GLIS3: variants seen among roughly 807,000 people sequenced by gnomAD.
GLIS3 encodes GLIS family zinc finger 3, also known as zinc finger protein GLIS3.
GLIS3 carries 53 observed loss-of-function variants against 78.6 expected under a neutral mutation model. That is an observed-to-expected ratio of 0.67 (90% CI 0.54 to 0.85). The LOEUF (loss-of-function observed/expected upper bound fraction) is 0.85. GLIS3 is among the 40% of genes least tolerant of loss of function. GLIS3 has a pLI of 0.00. For synonymous variants in GLIS3, 684 were observed against 509.9 expected (o/e 1.34, Z -4.60); for missense variants, 1,703 against 1,231.1 (o/e 1.38, Z -5.74).
At chr9:4,129,481 T>G (rs189018743) in intron 2 of GLIS3, among the ~76,000 whole-genome samples, 12 of 152,158 alleles carry the variant, frequency 7.9e-5, no homozygotes, top group Admixed American at 7.2e-4. Context: ...GCACCATCCT[T>G]TGGTGCTGTT....
At chr9:3,911,544 C>G (rs1824154728) in intron 6 of GLIS3, among the ~76,000 whole-genome samples, 1 of 152,194 alleles carries the variant, frequency 6.6e-6, no homozygotes, top group Non-Finnish European at 1.5e-5. Context: ...TGTCTCTACC[C>G]TATGAATTAC....
At chr9:4,489,201 A>G in the GLIS3 span, among the ~76,000 whole-genome samples, 1 of 152,168 alleles carries the variant, frequency 6.6e-6, no homozygotes, top group African/African-American at 2.4e-5. Context: ...TTCCTCGGAC[A>G]CCCAACGACC....
chr9:3,894,414 A>G (rs1822678060), intron 7 of GLIS3, among the ~76,000 whole-genome samples: 1 of 152,156 alleles, frequency 6.6e-6, no homozygotes, highest in Non-Finnish European at 1.5e-5. Flanking sequence ...TTCTAACACA[A>G]CTCTGCAAGC....
At chr9:4,320,679 C>T (rs1054694272) in intron 2 of GLIS3, among the ~76,000 whole-genome samples, 16 of 152,074 alleles carry the variant, frequency 1.1e-4, no homozygotes, top group Non-Finnish European at 2.2e-4. Context: ...TCATCACCAC[C>T]GCCATCACCA....
intron 9 of GLIS3, among the ~76,000 whole-genome samples, chr9:3,841,065 G>C (rs1451706842): frequency 6.6e-6 from 1 of 152,048 alleles, no homozygotes; most frequent in African/African-American, 2.4e-5. Context: ...GGGAAATAGG[G>C]GGGAAAAAAC....
At chr9:4,280,238 G>A (rs934988169) in intron 2 of GLIS3, among the ~76,000 whole-genome samples, 3 of 152,190 alleles carry the variant, frequency 2.0e-5, no homozygotes, top group Non-Finnish European at 4.4e-5. Context: ...GCCCAGACTG[G>A]TCTTGAGCTC....
the GLIS3 span, among the ~76,000 whole-genome samples, chr9:4,474,836 A>G: frequency 6.6e-6 from 1 of 151,674 alleles, no homozygotes; most frequent in Admixed American, 6.6e-5. Flanking sequence ...AGCTGGGACT[A>G]CATGCACCTG....
intron 2 of GLIS3, among the ~76,000 whole-genome samples, chr9:4,197,164 A>G (rs1818941354): frequency 2.6e-5 from 4 of 152,136 alleles, no homozygotes; most frequent in Admixed American, 2.6e-4. Context: ...TGCTCCACAC[A>G]CAGGCAGTAG....
chr9:4,204,289 C>G (rs1335203941), intron 2 of GLIS3, among the ~76,000 whole-genome samples: 1 of 152,130 alleles, frequency 6.6e-6, no homozygotes, highest in Non-Finnish European at 1.5e-5. Flanking sequence ...CTTTCACACA[C>G]ACATCCCAAT....
the GLIS3 span, among the ~76,000 whole-genome samples, chr9:4,482,772 G>A: frequency 6.6e-6 from 1 of 152,056 alleles, no homozygotes; most frequent in Non-Finnish European, 1.5e-5. Context: ...GAGGCCATGA[G>A]TCAACTATTT....
chr9:4,003,188 T>C (rs1434542750), intron 4 of GLIS3, among the ~76,000 whole-genome samples: 1 of 152,178 alleles, frequency 6.6e-6, no homozygotes, highest in Admixed American at 6.5e-5. Context: ...GAGACCAGCC[T>C]GGGCAACATA....
chr9:4,457,573 C>T, the GLIS3 span, among the ~76,000 whole-genome samples: 1 of 151,844 alleles, frequency 6.6e-6, no homozygotes, highest in Non-Finnish European at 1.5e-5. Context: ...ACTGGCCAGG[C>T]GTGGTGGCTC....
At chr9:4,173,354 C>G (rs1189821155) in intron 2 of GLIS3, among the ~76,000 whole-genome samples, 1 of 152,056 alleles carries the variant, frequency 6.6e-6, no homozygotes, top group Admixed American at 6.6e-5. Flanking sequence ...TTTTCTTTCA[C>G]CCTTATTCTC....
chr9:3,920,382 G>C (rs1010073442), intron 6 of GLIS3, among the ~76,000 whole-genome samples: 1 of 152,122 alleles, frequency 6.6e-6, no homozygotes, highest in Non-Finnish European at 1.5e-5. Flanking sequence ...TACTGAGTTT[G>C]TGAGTGTTTT....
the GLIS3 span, among the ~76,000 whole-genome samples, chr9:4,422,775 A>G: frequency 6.6e-6 from 1 of 152,238 alleles, no homozygotes; most frequent in African/African-American, 2.4e-5. Context: ...GGGGCGGGGC[A>G]GCCCAGGGAA....
chr9:4,063,343 GGAT>G (rs1826815338), intron 4 of GLIS3, among the ~76,000 whole-genome samples: 1 of 151,972 alleles, frequency 6.6e-6, no homozygotes, highest in Non-Finnish European at 1.5e-5. Flanking sequence ...ACTGCAAAGG[GGAT>G]GATATGCTTG....
At chr9:3,852,814 G>A (rs1170653237) in intron 9 of GLIS3, among the ~76,000 whole-genome samples, 1 of 152,176 alleles carries the variant, frequency 6.6e-6, no homozygotes, top group South Asian at 2.1e-4. Context: ...CCTGGAGAAA[G>A]TCATAATTTC....
At chr9:4,367,042 C>T in the GLIS3 span, among the ~76,000 whole-genome samples, 1 of 152,200 alleles carries the variant, frequency 6.6e-6, no homozygotes, top group Non-Finnish European at 1.5e-5. Context: ...ATTTGAATAG[C>T]AGCCTTTATC....
intron 4 of GLIS3, among the ~76,000 whole-genome samples, chr9:4,020,452 A>G (rs1014431999): frequency 6.6e-6 from 1 of 152,170 alleles, no homozygotes. Context: ...TTGCGTTTAC[A>G]TCGTACCCAA....
Sources: gnomAD v4.1 joint callset for allele counts (sites outside exome capture counted in the v4.1 genomes callset) on GRCh38, gnomAD v4.1.1 for gene constraint, MANE v1.5 for transcripts, NCBI Gene and HGNC (gene_info 2026-07-23, HGNC 2026-07-21) for gene names.